The following TRPC4 variants were observed in gnomAD, a reference collection of about 807,000 sequenced individuals.
The protein encoded by TRPC4 is transient receptor potential cation channel subfamily C member 4, also known as short transient receptor potential channel 4.
A neutral mutation model predicts 99.4 loss-of-function variants in TRPC4; 49 were observed. That is an observed-to-expected ratio of 0.49 (90% CI 0.39 to 0.63). The LOEUF (loss-of-function observed/expected upper bound fraction) is 0.63, where lower values mean the gene tolerates loss of function less well. Among genes scored for constraint, TRPC4 ranks in the 20% least tolerant of loss-of-function variants. The pLI is 0.00. For missense variants in TRPC4, 898 were observed against 1,152.9 expected, an observed-to-expected ratio of 0.78 and a Z score of 3.20; for synonymous variants, 454 against 425.9, an observed-to-expected ratio of 1.07 and a Z score of -0.81.
In TRPC4 at chr13:37,639,359, A is replaced by G. The variant is rs1036943421; in HGVS notation, c.2080-60T>C. 3.9e-5 allele frequency: 58 copies of G among 1,505,020 alleles called. No individual in the cohort carries two copies. In the Admixed American group the frequency reaches 1.2e-3, roughly 31 times the overall value. 93.2% of individuals were successfully genotyped at this position (1,505,020 alleles called of 1,614,324 possible). ...CTGTTATATTACTATTCTAAAAAATAATTTATTTTTTTAATCGATAATGTT... is the reference window on the plus strand; with the variant it reads ...CTGTTATATTACTATTCTAAAAAATGATTTATTTTTTTAATCGATAATGTT... On this transcript the variant is annotated intron_variant, in intron 8 of 10. Transcript: ENST00000379705.
At chr13:37,647,373 A>G (rs1951884710) in intron 8 of TRPC4, among the ~76,000 whole-genome samples, 1 of 152,242 alleles carries the variant, frequency 6.6e-6, no homozygotes, top group Non-Finnish European at 1.5e-5. Flanking sequence ...GGATAAGGGC[A>G]GAAGGTAAAC....
intron 2 of TRPC4, among the ~76,000 whole-genome samples, chr13:37,768,619 G>C (rs952761463): frequency 9.9e-5 from 15 of 151,166 alleles, no homozygotes; most frequent in Non-Finnish European, 1.9e-4. Context: ...AAGACATTAA[G>C]AGACTTCTTA....
chr13:37,842,938 G>C (rs1566216601), intron 1 of TRPC4, among the ~76,000 whole-genome samples: 1 of 152,246 alleles, frequency 6.6e-6, no homozygotes, highest in Admixed American at 6.5e-5. Flanking sequence ...GAACACTTTA[G>C]CAAATGCTAT....
Position 37,636,777 on chromosome 13 carries a change from A to ACCCGTT in TRPC4, c.*125_*126insAACGGG. ...CTTATTTAAACATGTTACAGGTAAT[A>ACCCGTT]TGCCACAGCTGATAAACGCTATAAA... is the stretch of plus-strand genomic sequence containing the variant. On this transcript the variant is annotated 3_prime_UTR_variant, in exon 11 of 11. Transcript: ENST00000379705. 7.5e-7 allele frequency: 1 copy of ACCCGTT among 1,325,854 alleles called. No homozygotes were observed. The highest frequency in any genetic ancestry group is 1.0e-6 in the Non-Finnish European group (1 of 995,406). 82.1% of individuals were successfully genotyped at this position (1,325,854 alleles called of 1,614,324 possible).
intron 4 of TRPC4, among the ~76,000 whole-genome samples, chr13:37,675,437 A>G (rs550690596): frequency 6.6e-6 from 1 of 152,258 alleles, no homozygotes; most frequent in Non-Finnish European, 1.5e-5. Context: ...AGCAGGAGAG[A>G]CTAGAATCCC....
chr13:37,779,102 C>CA (rs1213638480), intron 2 of TRPC4, among the ~76,000 whole-genome samples: 1 of 151,912 alleles, frequency 6.6e-6, no homozygotes, highest in Admixed American at 6.6e-5. Context: ...ACTGATCTAA[C>CA]AAAAAAATTG....
chr13:37,778,773 T>A (rs1454863251), intron 2 of TRPC4, among the ~76,000 whole-genome samples: 1 of 152,072 alleles, frequency 6.6e-6, no homozygotes, highest in African/African-American at 2.4e-5. Flanking sequence ...AACTCTCATA[T>A]ATTAAATACC....
At chr13:37,824,696 T>C (rs1270107967) in intron 1 of TRPC4, among the ~76,000 whole-genome samples, 2 of 152,210 alleles carry the variant, frequency 1.3e-5, no homozygotes, top group Non-Finnish European at 2.9e-5. Context: ...TGAGGATTTT[T>C]GCATCAATGT....
chr13:37,757,372 C>G (rs1473700900), intron 2 of TRPC4, among the ~76,000 whole-genome samples: 1 of 151,980 alleles, frequency 6.6e-6, no homozygotes, highest in Non-Finnish European at 1.5e-5. Flanking sequence ...AGTTCACAGA[C>G]ATCTTTGAAT....
intron 2 of TRPC4, among the ~76,000 whole-genome samples, chr13:37,780,678 C>T (rs765345153): frequency 6.6e-6 from 1 of 152,054 alleles, no homozygotes; most frequent in Non-Finnish European, 1.5e-5. Flanking sequence ...CAGCCAGGCT[C>T]TAATGGGATT....
At chr13:37,646,100 T>C (rs1566064614) in intron 8 of TRPC4, among the ~76,000 whole-genome samples, 1 of 152,242 alleles carries the variant, frequency 6.6e-6, no homozygotes, top group Non-Finnish European at 1.5e-5. Context: ...ATTTTTTCTT[T>C]AGTGATGATA....
At chr13:37,819,841 CA>C (rs1957964460) in intron 1 of TRPC4, among the ~76,000 whole-genome samples, 1 of 145,074 alleles carries the variant, frequency 6.9e-6, no homozygotes, top group African/African-American at 2.5e-5. Flanking sequence ...AAAAAAAAAA[CA>C]AAAAAAGATG....
intron 3 of TRPC4, among the ~76,000 whole-genome samples, chr13:37,703,310 C>T (rs1293739087): frequency 6.6e-6 from 1 of 152,012 alleles, no homozygotes; most frequent in Admixed American, 6.6e-5. Context: ...ACTGTTTACC[C>T]ATCTATGTTT....
chr13:37,786,656 A>G (rs1288456389), intron 1 of TRPC4, among the ~76,000 whole-genome samples: 1 of 152,052 alleles, frequency 6.6e-6, no homozygotes, highest in Non-Finnish European at 1.5e-5. Context: ...TATAATGTCA[A>G]AATAAAACAT....
intron 1 of TRPC4, among the ~76,000 whole-genome samples, chr13:37,809,472 T>G (rs1293747437): frequency 2.6e-5 from 4 of 151,748 alleles, no homozygotes; most frequent in East Asian, 3.9e-4. Flanking sequence ...TTTGTGTTTT[T>G]TTTTTTTTAA....
intron 5 of TRPC4, among the ~76,000 whole-genome samples, chr13:37,667,120 C>T (rs1316522193): frequency 1.3e-5 from 2 of 152,200 alleles, no homozygotes; most frequent in African/African-American, 4.8e-5. Context: ...TTTGAGGTTC[C>T]TCCTAGAATC....
rs749733352 is a variant in TRPC4, at chr13:37,639,286, T to C, written c.2093A>G (p.Asp698Gly). The change falls in exon 9 of 11, where the codon GAT becomes GGT. Residue 698 changes from aspartate to glycine, a missense_variant. By Grantham distance (94) the Asp-to-Gly change is moderately conservative. This residue lies in a region of TRPC4 where 346 missense variants were observed against 351.4 expected (regional missense o/e 0.98). Coordinates refer to ENST00000379705, the MANE Select transcript of TRPC4 (RefSeq NM_016179.4). Reference sequence around the variant, plus strand: ...GTATTGGTGATGTCTTCTCAAGTTATCAGCAGCTCGCCTCTGAAAAGGAAA... The same window carrying C: ...GTATTGGTGATGTCTTCTCAAGTTACCAGCAGCTCGCCTCTGAAAAGGAAA... Reference protein sequence around the residue: ...SFGTIGRRAADNLRRHHQYQE... With the variant: ...SFGTIGRRAAGNLRRHHQYQE... The C allele has an allele frequency of 3.1e-6, 5 of 1,613,712 alleles. No individual in the cohort carries two copies. The highest frequency in any genetic ancestry group is 4.2e-6 in the Non-Finnish European group (5 of 1,179,680).
At chr13:37,780,949 G>A (rs1412599824) in intron 2 of TRPC4, among the ~76,000 whole-genome samples, 1 of 151,916 alleles carries the variant, frequency 6.6e-6, no homozygotes, top group Non-Finnish European at 1.5e-5. Context: ...GAAACACATG[G>A]CCTGGGAAAT....
chr13:37,741,674 T>G (rs183402934), intron 3 of TRPC4, among the ~76,000 whole-genome samples: 1 of 152,242 alleles, frequency 6.6e-6, no homozygotes, highest in East Asian at 1.9e-4. Flanking sequence ...CAAAGAAAAC[T>G]TCATGTCAAA....
Sources: gnomAD v4.1 joint callset for allele counts (sites outside exome capture counted in the v4.1 genomes callset) on GRCh38, gnomAD v4.1.1 for gene constraint, gnomAD v4.1.1 regional missense constraint, MANE v1.5 for transcripts, NCBI Gene and HGNC (gene_info 2026-07-23, HGNC 2026-07-21) for gene names.